The following ATP2A3 variants were observed in gnomAD, a reference collection of about 807,000 sequenced individuals.
The protein encoded by ATP2A3 is ATPase sarcoplasmic/endoplasmic reticulum Ca2+ transporting 3.
A neutral mutation model predicts 106.8 loss-of-function variants in ATP2A3; 61 were observed. The ratio of observed to expected loss-of-function variants is 0.57; its 90% confidence interval spans 0.46 to 0.71. The LOEUF (loss-of-function observed/expected upper bound fraction) is 0.71. ATP2A3 is among the 30% of genes least tolerant of loss of function. ATP2A3 has a pLI of 0.00. For missense variants in ATP2A3, 1,201 were observed against 1,423.5 expected (o/e 0.84, Z 2.52); for synonymous variants, 611 against 609.3 (o/e 1.00, Z -0.04).
At chr17:3,943,347 C>T in intron 11 of ATP2A3, 44 bp downstream of exon 11, 1 of 1,610,686 alleles carries the variant, frequency 6.2e-7, no homozygotes, top group Non-Finnish European at 8.5e-7. Context: ...GTCCCAGAAG[C>T]CCCAGCCATG....
intron 14 of ATP2A3, among the ~76,000 whole-genome samples, chr17:3,939,786 TAAA>T (rs71381543): frequency 0.034 from 1,728 of 50,506 alleles, 114 homozygotes; most frequent in African/African-American, 0.099. Context: ...AGACTCTGTC[TAAA>T]AAAAAAAAAA....
Position 3,929,599 on chromosome 17 carries a change from T to A in ATP2A3, c.2745-154A>T, listed in dbSNP as rs962592981. On this transcript the variant is annotated intron_variant, in intron 18 of 20. Transcript: ENST00000397041. This position sits in a 1 kb window ranked among gnomAD's most constrained non-coding sequence, Gnocchi z 4.3. The stretch of plus-strand genomic sequence containing the variant: ...CCTGTCCCGGGCTGGGACCCCTTTC[T>A]CTGCCCCTCAGACCTAATCTTGGCC... Among the ~76,000 whole-genome samples, 1 of 152,170 alleles carries A rather than the reference T, an allele frequency of 6.6e-6. No homozygotes were observed. Among genetic ancestry groups the A allele is most frequent in the Admixed American group, 6.5e-5 (1 of 15,288 alleles).
chr17:3,953,331 G>A lies in ATP2A3; in HGVS notation c.219+16C>T. 6.2e-7 allele frequency: 1 copy of A among 1,613,138 alleles called. No individual in the cohort carries two copies. The highest frequency in any genetic ancestry group is 8.5e-7 in the Non-Finnish European group (1 of 1,179,362). ...GCTACCGACTACCACAGGATGGCTG[G>A]CAGGGCCCTACTTACAAAGGAGACA... On this transcript the variant is annotated intron_variant, in intron 3 of 20. Transcript: ENST00000397041. The surrounding 1 kb of genome is among the most constrained non-coding windows in gnomAD (Gnocchi z 5.1).
At position 3,942,591 on chromosome 17, in the gene ATP2A3, C is replaced by T. The variant is rs1567698858; in HGVS notation, c.1545+15G>A. On this transcript the variant is annotated intron_variant, in intron 12 of 20. Transcript: ENST00000397041. ...AGGGCGCGCAGGGGCCCAGGCCAGC[C>T]AGGCAGGCCCCCACCTTCACAAACA... 6.2e-7 allele frequency: 1 copy of T among 1,608,210 alleles called. No individual in the cohort carries two copies.
intron 14 of ATP2A3, 109 bp downstream of exon 14, chr17:3,940,862 G>C (rs1189003123): frequency 1.5e-6 from 2 of 1,323,046 alleles, no homozygotes; most frequent in Non-Finnish European, 2.2e-6. Context: ...GTAATAAGAT[G>C]TTAGAAAAGG....
At chr17:3,940,894 A>G in intron 14 of ATP2A3, 77 bp downstream of exon 14, 1 of 1,478,642 alleles carries the variant, frequency 6.8e-7, no homozygotes. Context: ...CAGAGGGGAG[A>G]GTTGCACGGC....
At chr17:3,940,879 TGA>T in intron 14 of ATP2A3, 90 bp downstream of exon 14, 1 of 1,403,232 alleles carries the variant, frequency 7.1e-7, no homozygotes, top group Non-Finnish European at 1.0e-6. Flanking sequence ...AAGGTAAGAA[TGA>T]GGCAGAGGGG....
Position 3,953,360 on chromosome 17 carries a change from G to A in ATP2A3, c.206C>T (p.Ala69Val), listed in dbSNP as rs373112052. 2 of 1,613,892 alleles carry A rather than the reference G, an allele frequency of 1.2e-6. No individual in the cohort carries two copies. Among genetic ancestry groups the A allele is most frequent in the African/African-American group, 2.7e-5 (2 of 74,942 alleles). Residue 69 changes from alanine to valine, a missense_variant, in exon 3 of 21, where the codon GCC becomes GTC. Transcript: ENST00000397041. This position sits in a 1 kb window ranked among gnomAD's most constrained non-coding sequence, Gnocchi z 5.1. ...DLLVRILLLAALVSFVLAWFE... is the reference protein window; with the variant it reads ...DLLVRILLLAVLVSFVLAWFE... ...GGCCCTACTTACAAAGGAGACAAGG[G>A]CAGCCAGCAGCAGGATGCGCACCAG...
chr17:3,936,971 T>C lies in ATP2A3; in HGVS notation c.2321+445A>G. The C allele has an allele frequency of 3.1e-6, 1 of 324,212 alleles. No individual in the cohort carries two copies. 20.1% of individuals were successfully genotyped at this position (324,212 alleles called of 1,614,324 possible). On this transcript the variant is annotated intron_variant, in intron 15 of 20. Coordinates refer to ENST00000397041, the MANE Select transcript of ATP2A3 (RefSeq NM_005173.4). The surrounding 1 kb of genome is among the most constrained non-coding windows in gnomAD (Gnocchi z 5.4). The stretch of plus-strand genomic sequence containing the variant: ...CACAGTCACACGCCGGCACAAATCC[T>C]TCTGCTTGTACTCACGCTCAAAATG...
At position 3,953,549 on chromosome 17, in the gene ATP2A3, C is replaced by A. The variant is rs2054579437; in HGVS notation, c.137-120G>T. On this transcript the variant is annotated intron_variant, in intron 2 of 20. Coordinates refer to ENST00000397041, the MANE Select transcript of ATP2A3 (RefSeq NM_005173.4). This position sits in a 1 kb window ranked among gnomAD's most constrained non-coding sequence, Gnocchi z 5.1. ...TCCCTGCACTCAGAAGAGGGAGAAC[C>A]CAGGTCGCTGAGAGGCTCAGGTGGG... 6.7e-7 allele frequency: 1 copy of A among 1,489,988 alleles called. No homozygotes were observed. Among genetic ancestry groups the A allele is most frequent in the Non-Finnish European group, 9.2e-7 (1 of 1,083,746 alleles). The allele number at this position is 1,489,988 out of a possible 1,614,324, so 92.3% of individuals were successfully genotyped here. A position where few individuals can be genotyped will look rare whatever the true frequency, so the allele number is the denominator to read the frequency against.
intron 16 of ATP2A3, 31 bp from the exon 17 acceptor site, chr17:3,935,308 G>A: frequency 1.3e-6 from 2 of 1,597,194 alleles, no homozygotes; most frequent in Non-Finnish European, 1.7e-6. Context: ...CGGCTGTAGA[G>A]AATGGCGGTG....
chr17:3,935,350 A>G lies in ATP2A3; in HGVS notation c.2525-73T>C, dbSNP rs919348595. 7 of 1,384,668 alleles carry G rather than the reference A, an allele frequency of 5.1e-6. No homozygotes were observed. In the African/African-American group the frequency reaches 9.9e-5, roughly 20 times the overall value. The allele number at this position is 1,384,668 out of a possible 1,614,324, so 85.8% of individuals were successfully genotyped here. A position where few individuals can be genotyped will look rare whatever the true frequency, so the allele number is the denominator to read the frequency against. ...TGGCGTCTGTTTCCCCTGCCTAATAATTCCCTGAATTCCCTGCAGGGAGCC... is the reference window on the plus strand; with the variant it reads ...TGGCGTCTGTTTCCCCTGCCTAATAGTTCCCTGAATTCCCTGCAGGGAGCC... On this transcript the variant is annotated intron_variant, in intron 16 of 20. Coordinates refer to ENST00000397041, the MANE Select transcript of ATP2A3 (RefSeq NM_005173.4).
chr17:3,938,679 G>A (rs72825501), intron 14 of ATP2A3, among the ~76,000 whole-genome samples: 12,968 of 151,788 alleles, frequency 0.085, 884 homozygotes, highest in East Asian at 0.42. Flanking sequence ...CCAAGTAGCT[G>A]AGATTATAGG....
In ATP2A3 at chr17:3,941,014, C is replaced by T. The variant is rs61999330; in HGVS notation, c.2057G>A (p.Arg686His). Residue 686 changes from arginine (R) to histidine (H), a missense_variant, in exon 14 of 21, where the codon CGC (arginine) becomes CAC (histidine). Arg to His is a conservative substitution (Grantham distance 29). Coordinates refer to ENST00000397041, the MANE Select transcript of ATP2A3 (RefSeq NM_005173.4). Reference protein sequence around the residue: ...FARVEPAHKSRIVENLQSFNE... With the variant: ...FARVEPAHKSHIVENLQSFNE... ...AAAGGACTGCAGGTTCTCCACGATG[C>T]GGGACTTGTGTGCGGGCTCCACGCG... The T allele has an allele frequency of 1.0e-4, 166 of 1,613,820 alleles. No homozygotes were observed. Among genetic ancestry groups the T allele is most frequent in the Non-Finnish European group, 1.3e-4 (150 of 1,179,834 alleles).
chr17:3,962,955 C>T lies in ATP2A3; in HGVS notation c.118+1219G>A, dbSNP rs543349128. Among the ~76,000 whole-genome samples the T allele has an allele frequency of 1.4e-4, 21 of 152,350 alleles. No individual in the cohort carries two copies. In the East Asian group the frequency reaches 4.0e-3, roughly 29 times the overall value. ...CTGCAGCAAAGCACAACCTCCCTGC[C>T]AAGTCACTAATGGGGGATATTAAAT... On this transcript the variant is annotated intron_variant, in intron 1 of 20. Coordinates refer to ENST00000397041, the MANE Select transcript of ATP2A3 (RefSeq NM_005173.4).
At chr17:3,932,185 C>A (rs964558972) in intron 17 of ATP2A3, among the ~76,000 whole-genome samples, 1 of 152,018 alleles carries the variant, frequency 6.6e-6, no homozygotes, top group Non-Finnish European at 1.5e-5. Context: ...ACTCTGTCAC[C>A]GAGGCTGGAG....
Position 3,930,744 on chromosome 17 carries a change from C to A in ATP2A3, c.2611-310G>T, listed in dbSNP as rs1262365933. 6 of 484,768 alleles carry A rather than the reference C, an allele frequency of 1.2e-5. No individual in the cohort carries two copies. Among genetic ancestry groups the A allele is most frequent in the Non-Finnish European group, 2.3e-5 (6 of 262,236 alleles). The allele number at this position is 484,768 out of a possible 1,614,324, so 30.0% of individuals were successfully genotyped here. On this transcript the variant is annotated intron_variant, in intron 17 of 20. Coordinates refer to ENST00000397041, the MANE Select transcript of ATP2A3 (RefSeq NM_005173.4). This position sits in a 1 kb window ranked among gnomAD's most constrained non-coding sequence, Gnocchi z 5.4. Reference sequence around the variant, plus strand: ...GAGGCTAGCGGGAGCCTGGAGATCACTGAATAGGGAAATGCATGTGAAAAT... The same window carrying A: ...GAGGCTAGCGGGAGCCTGGAGATCAATGAATAGGGAAATGCATGTGAAAAT...
At chr17:3,943,582 G>C (rs866545659) in intron 10 of ATP2A3, 60 bp from the exon 11 acceptor site, 11 of 1,607,596 alleles carry the variant, frequency 6.8e-6, no homozygotes, top group African/African-American at 4.0e-5. Flanking sequence ...CGCATCCCCA[G>C]CCTCACTCAC....
Position 3,941,664 on chromosome 17 carries a change from G to A in ATP2A3, c.1546-10C>T, listed in dbSNP as rs1461640331. On this transcript the variant is annotated splice_polypyrimidine_tract_variant and intron_variant, in intron 12 of 20. Coordinates refer to ENST00000397041, the MANE Select transcript of ATP2A3 (RefSeq NM_005173.4). ...CACTCTCAGGAGCCCCCTGCGAGGT[G>A]GGGAGAGGGAGAAGAGGTAACTCAT... The A allele has an allele frequency of 1.9e-6, 3 of 1,603,850 alleles. No individual in the cohort carries two copies. Among genetic ancestry groups the A allele is most frequent in the Non-Finnish European group, 1.7e-6 (2 of 1,179,790 alleles).
Sources: gnomAD v4.1 joint callset for allele counts (sites outside exome capture counted in the v4.1 genomes callset) on GRCh38, gnomAD v4.1.1 for gene constraint, Gnocchi (gnomAD v3.1) non-coding constraint, MANE v1.5 for transcripts, NCBI Gene and HGNC (gene_info 2026-07-23, HGNC 2026-07-21) for gene names.